Variants in RBFOX1 observed in about 807,000 individuals in gnomAD.
RBFOX1 encodes RNA binding fox-1 homolog 1.
RBFOX1 carries 8 observed loss-of-function variants against 57.7 expected under a neutral mutation model. The observed-to-expected ratio is 0.14, with a 90% CI of 0.08 to 0.25. RBFOX1 has a LOEUF of 0.25. Among genes scored for constraint, RBFOX1 ranks in the 10% least tolerant of loss-of-function variants. The pLI is 1.00. For missense variants in RBFOX1, 611 were observed against 548.5 expected, an observed-to-expected ratio of 1.11 and a Z score of -1.14; for synonymous variants, 326 against 222.4, an observed-to-expected ratio of 1.47 and a Z score of -4.15.
At chr16:5,403,570 G>A (rs1218692246) in intron 1 of RBFOX1, among the ~76,000 whole-genome samples, 1 of 151,978 alleles carries the variant, frequency 6.6e-6, no homozygotes, top group Non-Finnish European at 1.5e-5. Context: ...TCAGTCTCTC[G>A]AGTAGCTGGG....
intron 2 of RBFOX1, chr16:6,483,167 C>G (rs2095401135): frequency 1.8e-6 from 2 of 1,110,028 alleles, no homozygotes; most frequent in East Asian, 6.3e-5. Flanking sequence ...TTGGGCGTCT[C>G]ATTTGGCGAG....
At chr16:5,471,891 C>T (rs141078831) in intron 2 of RBFOX1, among the ~76,000 whole-genome samples, 1,670 of 152,260 alleles carry the variant, frequency 0.011, 10 homozygotes, top group Non-Finnish European at 0.016. Context: ...TTGGAAGCTG[C>T]CATGCCCTCA....
chr16:5,736,184 C>T (rs969223702), intron 3 of RBFOX1, among the ~76,000 whole-genome samples: 2 of 152,064 alleles, frequency 1.3e-5, no homozygotes, highest in East Asian at 1.9e-4. Context: ...CACAAGCCTG[C>T]CACCTGGCAC....
chr16:7,023,409 G>A (rs1018629581), intron 3 of RBFOX1, among the ~76,000 whole-genome samples: 2 of 150,908 alleles, frequency 1.3e-5, no homozygotes, highest in Non-Finnish European at 2.9e-5. Context: ...GCAGTGAGCC[G>A]AGATCATGTC....
At chr16:6,420,048 A>G (rs1309712010) in intron 2 of RBFOX1, among the ~76,000 whole-genome samples, 2 of 152,158 alleles carry the variant, frequency 1.3e-5, no homozygotes, top group Non-Finnish European at 2.9e-5. Flanking sequence ...GTTGTTTGTG[A>G]CAATCACTTA....
intron 2 of RBFOX1, among the ~76,000 whole-genome samples, chr16:6,442,571 G>A (rs1188652089): frequency 3.3e-5 from 5 of 150,386 alleles, no homozygotes; most frequent in East Asian, 2.0e-4. Context: ...AAAAAGAAAA[G>A]AAAAAAAAAG....
chr16:7,700,916 T>C (rs943329548), intron 14 of RBFOX1, among the ~76,000 whole-genome samples: 2 of 152,168 alleles, frequency 1.3e-5, no homozygotes, highest in African/African-American at 4.8e-5. Context: ...GGTCTGAGTC[T>C]TTTAGATGCC....
At chr16:6,806,888 C>CAATAGCA (rs371536348) in intron 3 of RBFOX1, among the ~76,000 whole-genome samples, 15,563 of 134,452 alleles carry the variant, frequency 0.12, 1,164 homozygotes, top group African/African-American at 0.21. Context: ...GGCTGGAGTG[C>CAATAGCA]AATAGCATGA....
intron 11 of RBFOX1, among the ~76,000 whole-genome samples, chr16:7,646,301 T>A (rs2063726650): frequency 6.6e-6 from 1 of 152,208 alleles, no homozygotes; most frequent in South Asian, 2.1e-4. Flanking sequence ...TGTTACCTAT[T>A]ATGCCACTTC....
intron 1 of RBFOX1, among the ~76,000 whole-genome samples, chr16:5,269,637 A>G (rs1250872584): frequency 6.6e-6 from 1 of 152,234 alleles, no homozygotes; most frequent in Non-Finnish European, 1.5e-5. Flanking sequence ...AAATCTATAG[A>G]AATAGGAAGT....
chr16:6,763,350 A>T lies in RBFOX1; in HGVS notation c.-16+108700A>T, dbSNP rs1603616975. On this transcript the variant is annotated intron_variant, in intron 3 of 15. Coordinates refer to ENST00000550418, the MANE Select transcript of RBFOX1 (RefSeq NM_018723.4). Reference sequence around the variant, plus strand: ...GCTAGACACTTGTAAGCCCATCACCAGTGATTACTTTCCTGTTGGAGAGCC... The same window carrying T: ...GCTAGACACTTGTAAGCCCATCACCTGTGATTACTTTCCTGTTGGAGAGCC... Among the ~76,000 whole-genome samples, 4 of 152,306 alleles carry T rather than the reference A, an allele frequency of 2.6e-5. No homozygotes were observed. In the South Asian group the frequency reaches 8.3e-4, roughly 32 times the overall value.
intron 3 of RBFOX1, among the ~76,000 whole-genome samples, chr16:6,787,568 C>T (rs1032685620): frequency 1.3e-5 from 2 of 152,136 alleles, no homozygotes; most frequent in Non-Finnish European, 2.9e-5. Context: ...CCAGATTTAG[C>T]CGTAAATCAC....
chr16:6,870,138 C>G (rs1345203520), intron 3 of RBFOX1, among the ~76,000 whole-genome samples: 1 of 152,046 alleles, frequency 6.6e-6, no homozygotes, highest in Non-Finnish European at 1.5e-5. Flanking sequence ...TCTTGGACCA[C>G]CTAGTTTTCA....
intron 2 of RBFOX1, among the ~76,000 whole-genome samples, chr16:6,440,851 C>T (rs1269593562): frequency 3.3e-5 from 5 of 149,580 alleles, no homozygotes; most frequent in Non-Finnish European, 5.9e-5. Flanking sequence ...GTGGTGATAT[C>T]GAATGAGTCC....
chr16:6,670,924 C>T (rs2098760520), intron 3 of RBFOX1, among the ~76,000 whole-genome samples: 3 of 152,082 alleles, frequency 2.0e-5, no homozygotes, highest in Admixed American at 2.0e-4. Flanking sequence ...GGCGTGAACC[C>T]AGGAGGCGGA....
At position 5,993,794 on chromosome 16, in the gene RBFOX1, G is replaced by A. The variant is rs530959933; in HGVS notation, c.351+126459G>A. Among the ~76,000 whole-genome samples the A allele has an allele frequency of 1.1e-4, 16 of 152,190 alleles. 1 individual carries two copies. The highest frequency in any genetic ancestry group is 8.3e-4 in the South Asian group (4 of 4,826). On this transcript the variant is annotated intron_variant, in intron 4 of 19. Transcript: ENST00000641259. ...TAAAATTGATGGCTTGAATATTGCC[G>A]CTCATATGGCCGAATGGTTCGTTTA... is the stretch of plus-strand genomic sequence containing the variant.
chr16:5,464,378 C>T (rs1597172118), intron 1 of RBFOX1, among the ~76,000 whole-genome samples: 1 of 152,130 alleles, frequency 6.6e-6, no homozygotes, highest in Non-Finnish European at 1.5e-5. Context: ...CTAGGATAGG[C>T]ATAGAGAAAG....
intron 2 of RBFOX1, among the ~76,000 whole-genome samples, chr16:6,464,244 A>G (rs2094988156): frequency 6.6e-6 from 1 of 152,212 alleles, no homozygotes; most frequent in African/African-American, 2.4e-5. Flanking sequence ...TTTTGGTACT[A>G]CTGTGAGTAA....
intron 14 of RBFOX1, among the ~76,000 whole-genome samples, chr16:7,688,401 C>A (rs1053330345): frequency 2.6e-5 from 4 of 151,822 alleles, no homozygotes; most frequent in African/African-American, 9.7e-5. Context: ...GAGAAGTGAG[C>A]AGAATCTTTG....
Sources: gnomAD v4.1 joint callset for allele counts (sites outside exome capture counted in the v4.1 genomes callset) on GRCh38, gnomAD v4.1.1 for gene constraint, MANE v1.5 for transcripts, NCBI Gene and HGNC (gene_info 2026-07-23, HGNC 2026-07-21) for gene names.